The following FBXW4 variants were observed in gnomAD, a reference collection of about 807,000 sequenced individuals.
The protein encoded by FBXW4 is F-box and WD repeat domain containing 4, also known as F-box/WD repeat-containing protein 4.
A neutral mutation model predicts 61.8 loss-of-function variants in FBXW4; 40 were observed. The observed-to-expected ratio is 0.65, with a 90% confidence interval of 0.50 to 0.84. The LOEUF (loss-of-function observed/expected upper bound fraction) is 0.84, where lower values mean the gene tolerates loss of function less well. Among genes scored for constraint, FBXW4 ranks in the 40% least tolerant of loss-of-function variants. The pLI is 0.00. For synonymous variants in FBXW4, 311 were observed against 313.8 expected (o/e 0.99, Z 0.10); for missense variants, 672 against 753.8 (o/e 0.89, Z 1.27).
chr10:101,611,669 C>T lies in FBXW4; in HGVS notation c.1543G>A (p.Val515Ile). ...LLATGSSYYG[V>I]VRLWDRRQRA... ...TGACGCCGGTCCCACAGCCGTACAA[C>T]ACCGTAGTAGGAGGAACCTGTGGCC... Residue 515 changes from valine (V) to isoleucine (I), a missense_variant, in exon 8 of 9, where the codon GTT becomes ATT. Coordinates refer to ENST00000331272, the MANE Select transcript of FBXW4 (RefSeq NM_022039.4). The surrounding 1 kb of genome is among the most constrained non-coding windows in gnomAD (Gnocchi z 4.9). 1 of 1,614,222 alleles carries T rather than the reference C, an allele frequency of 6.2e-7. No individual in the cohort carries two copies. Among genetic ancestry groups the T allele is most frequent in the Non-Finnish European group, 8.5e-7 (1 of 1,180,042 alleles).
Position 101,653,865 on chromosome 10 carries a change from G to A in FBXW4, c.1235+14021C>T, listed in dbSNP as rs149786806. ...GGGCCAGGCGCAGTGGCTCACGACTGTAATCCCAGCACTTTAGGAGGCCAA... is the reference window on the plus strand; with the variant it reads ...GGGCCAGGCGCAGTGGCTCACGACTATAATCCCAGCACTTTAGGAGGCCAA... On this transcript the variant is annotated intron_variant, in intron 5 of 8. Transcript: ENST00000331272. Among the ~76,000 whole-genome samples the A allele has an allele frequency of 3.7e-3, 564 of 152,188 alleles. 1 individual carries two copies. Among genetic ancestry groups the A allele is most frequent in the Middle Eastern group, 0.01 (3 of 294 alleles).
chr10:101,614,682 TG>T (rs1337140724), intron 6 of FBXW4, among the ~76,000 whole-genome samples: 3 of 152,180 alleles, frequency 2.0e-5, no homozygotes, highest in African/African-American at 7.2e-5. Context: ...ACACTTTAAA[TG>T]GGCCAATGAA....
chr10:101,615,176 A>C (rs922087284), intron 6 of FBXW4, among the ~76,000 whole-genome samples: 1 of 152,074 alleles, frequency 6.6e-6, no homozygotes, highest in African/African-American at 2.4e-5. Flanking sequence ...TCGGCCTCTC[A>C]CTGTGGGGGG....
chr10:101,672,946 A>G lies in FBXW4; in HGVS notation c.1109T>C (p.Ile370Thr). ...CGTCCTGTCCCTGGAGCCACTCACA[A>G]TGATGCCCCCTTTGCAATCCACACA... The part of the protein sequence containing the change: ...VNCVDCKGGI[I>T]VSGSRDRTAK... The change falls in exon 4 of 9, where the codon ATT (isoleucine) becomes ACT (threonine). Residue 370 changes from isoleucine (I) to threonine (T), a missense_variant. Ile to Thr is a moderately conservative substitution (Grantham distance 89). This residue lies in a region of FBXW4 where 312 missense variants were observed against 370.1 expected (regional missense o/e 0.84). Transcript: ENST00000331272. 1 of 1,614,128 alleles carries G rather than the reference A, an allele frequency of 6.2e-7. No homozygotes were observed. The highest frequency in any genetic ancestry group is 8.5e-7 in the Non-Finnish European group (1 of 1,180,014).
At chr10:101,690,220 ACTT>A (rs1197957776) in intron 1 of FBXW4, among the ~76,000 whole-genome samples, 1 of 152,212 alleles carries the variant, frequency 6.6e-6, no homozygotes, top group African/African-American at 2.4e-5. Flanking sequence ...CATAATGTCT[ACTT>A]CTTGCATTCA....
Position 101,612,463 on chromosome 10 carries a change from G to A in FBXW4, c.1316C>T (p.Thr439Ile). 2 of 1,577,600 alleles carry A rather than the reference G, an allele frequency of 1.3e-6. No individual in the cohort carries two copies. The highest frequency in any genetic ancestry group is 1.7e-6 in the Non-Finnish European group (2 of 1,161,124). Residue 439 changes from threonine to isoleucine, a missense_variant, in exon 7 of 9, where the codon ACA (threonine) becomes ATA (isoleucine). Thr to Ile is a moderately conservative substitution (Grantham distance 89). Around this residue, in one of 5 missense-constraint regions of FBXW4, gnomAD observed 312 missense variants for 370.1 expected, o/e 0.84. Coordinates refer to ENST00000331272, the MANE Select transcript of FBXW4 (RefSeq NM_022039.4). Reference sequence around the variant, plus strand: ...TGGGGGAAAGTCACTGCCCAAGTGTGTCATCAGCTGCCCACTGGGAAGGGA... The same window carrying A: ...TGGGGGAAAGTCACTGCCCAAGTGTATCATCAGCTGCCCACTGGGAAGGGA... ...IWDLNSGQLM[T>I]HLGSDFPPGA...
intron 4 of FBXW4, among the ~76,000 whole-genome samples, chr10:101,670,134 A>T (rs1340293269): frequency 6.6e-6 from 1 of 152,246 alleles, no homozygotes; most frequent in Non-Finnish European, 1.5e-5. Flanking sequence ...CACAGGCTTT[A>T]ACTCAGTAAT....
chr10:101,615,723 C>T (rs892896967), intron 6 of FBXW4, among the ~76,000 whole-genome samples: 4 of 152,142 alleles, frequency 2.6e-5, no homozygotes, highest in Admixed American at 2.0e-4. Context: ...CACCCATCAC[C>T]ATCTTTGTGG....
intron 5 of FBXW4, among the ~76,000 whole-genome samples, chr10:101,647,936 CAA>C (rs1417716707): frequency 5.9e-5 from 9 of 152,090 alleles, no homozygotes; most frequent in Non-Finnish European, 1.2e-4. Context: ...GTGGAAAAGC[CAA>C]AGAGCTTAGA....
At chr10:101,656,082 C>T (rs983348276) in intron 5 of FBXW4, among the ~76,000 whole-genome samples, 1 of 152,144 alleles carries the variant, frequency 6.6e-6, no homozygotes, top group Non-Finnish European at 1.5e-5. Context: ...ACAAAGGAAG[C>T]GAAGAAGCCC....
In FBXW4 at chr10:101,694,251, G is replaced by C; in HGVS notation, c.725+130C>G. 1.2e-6 allele frequency: 1 copy of C among 845,894 alleles called. No individual in the cohort carries two copies. The highest frequency in any genetic ancestry group is 3.9e-4 in the Middle Eastern group (1 of 2,556). 52.4% of individuals were successfully genotyped at this position (845,894 alleles called of 1,614,324 possible). On this transcript the variant is annotated intron_variant, in intron 1 of 8. Transcript: ENST00000331272. This position sits in a 1 kb window ranked among gnomAD's most constrained non-coding sequence, Gnocchi z 6.0. ...GAGTGCTCGGGAAAGGGTGTAGGCG[G>C]AGGTCAGGTGTAGGCCTAGAAACTC...
chr10:101,660,014 A>C, intron 5 of FBXW4: 4 of 865,744 alleles, frequency 4.6e-6, no homozygotes, highest in Non-Finnish European at 5.5e-6. Flanking sequence ...CCTAACTTGT[A>C]ATATAAGGAG....
chr10:101,690,650 C>T (rs143455716), intron 1 of FBXW4, among the ~76,000 whole-genome samples: 3 of 152,296 alleles, frequency 2.0e-5, no homozygotes, highest in African/African-American at 7.2e-5. Context: ...AAGCTATGAT[C>T]AGTTAGGAAC....
At chr10:101,683,321 G>T (rs919785671) in intron 1 of FBXW4, among the ~76,000 whole-genome samples, 1 of 152,220 alleles carries the variant, frequency 6.6e-6, no homozygotes, top group South Asian at 2.1e-4. Flanking sequence ...ACCTGGCCCC[G>T]TGGGCCTGGC....
chr10:101,641,645 A>ACAAAC lies in FBXW4; in HGVS notation c.1236-16836_1236-16835insGTTTG, dbSNP rs1443219118. On this transcript the variant is annotated intron_variant, in intron 5 of 8. Coordinates refer to ENST00000331272, the MANE Select transcript of FBXW4 (RefSeq NM_022039.4). Reference sequence around the variant, plus strand: ...AGATTTTTTCTCAAAAAAAAACAAAACAATACACATACACCTTAAGTGTGT... The same window carrying ACAAAC: ...AGATTTTTTCTCAAAAAAAAACAAAACAAACCAATACACATACACCTTAAGTGTGT... Among the ~76,000 whole-genome samples the ACAAAC allele has an allele frequency of 5.6e-3, 847 of 151,420 alleles. 8 individuals carry two copies. The highest frequency in any genetic ancestry group is 8.8e-3 in the Non-Finnish European group (597 of 67,806).
chr10:101,632,143 T>G (rs1029691080), intron 5 of FBXW4, among the ~76,000 whole-genome samples: 1 of 151,984 alleles, frequency 6.6e-6, no homozygotes, highest in African/African-American at 2.4e-5. Context: ...GGCCTCTTTC[T>G]CCCAATTAGG....
At chr10:101,658,152 G>C (rs914386755) in intron 5 of FBXW4, among the ~76,000 whole-genome samples, 1 of 152,178 alleles carries the variant, frequency 6.6e-6, no homozygotes, top group South Asian at 2.1e-4. Context: ...CCTGAACTCA[G>C]AGAAGAAATA....
intron 1 of FBXW4, among the ~76,000 whole-genome samples, chr10:101,686,674 G>A (rs1418354111): frequency 6.6e-6 from 1 of 152,076 alleles, no homozygotes; most frequent in Non-Finnish European, 1.5e-5. Context: ...TTTTAATCAT[G>A]AAACTGTGTT....
chr10:101,672,074 T>C (rs1432720997), intron 4 of FBXW4, among the ~76,000 whole-genome samples: 1 of 152,226 alleles, frequency 6.6e-6, no homozygotes, highest in African/African-American at 2.4e-5. Context: ...CTATGTGTTT[T>C]AGAGGCCCAT....
Sources: allele counts gnomAD v4.1 joint callset (sites outside exome capture counted in the v4.1 genomes callset), GRCh38; gene constraint gnomAD v4.1.1; regional missense constraint gnomAD v4.1.1; non-coding constraint Gnocchi (gnomAD v3.1); transcripts MANE v1.5; gene names NCBI Gene and HGNC (gene_info 2026-07-23, HGNC 2026-07-21).